ZFR: variants seen among roughly 807,000 people sequenced by gnomAD.
ZFR encodes zinc finger RNA binding protein.
Under a neutral mutation model 130.7 loss-of-function variants are expected in ZFR, and 19 were observed. The ratio of observed to expected loss-of-function variants is 0.15; its 90% CI spans 0.10 to 0.21. ZFR has a LOEUF of 0.21. ZFR is among the 10% of genes least tolerant of loss of function. The probability of loss-of-function intolerance (pLI) is 1.00; values close to 1 mark genes in which losing one functional copy is unlikely to be tolerated. For synonymous variants in ZFR, 466 were observed against 456.9 expected (o/e 1.02, Z -0.25); for missense variants, 872 against 1,321.5 (o/e 0.66, Z 5.27).
At chr5:32,415,511 T>TGC (rs1336806329) in intron 4 of ZFR, among the ~76,000 whole-genome samples, 17 of 93,554 alleles carry the variant, frequency 1.8e-4, no homozygotes, top group African/African-American at 3.1e-4. Context: ...TGTGTGTGTG[T>TGC]GTGTGCGCGC....
intron 2 of ZFR, among the ~76,000 whole-genome samples, chr5:32,431,162 A>G (rs547525168): frequency 1.3e-5 from 2 of 152,368 alleles, no homozygotes; most frequent in Admixed American, 6.5e-5. Context: ...AATAAAAATG[A>G]TCTCAGAATG....
chr5:32,359,882 G>A (rs367784356), intron 19 of ZFR, among the ~76,000 whole-genome samples: 7 of 151,890 alleles, frequency 4.6e-5, no homozygotes, highest in South Asian at 2.1e-4. Flanking sequence ...CTCAGGAGGC[G>A]GAGGTGAGCT....
chr5:32,424,829 G>A (rs1037367033), intron 2 of ZFR, among the ~76,000 whole-genome samples: 5 of 152,112 alleles, frequency 3.3e-5, no homozygotes, highest in African/African-American at 1.2e-4. Flanking sequence ...ATCTAAATTA[G>A]AGAAGATAAA....
chr5:32,423,966 G>C (rs1754011796), intron 2 of ZFR, among the ~76,000 whole-genome samples: 1 of 152,188 alleles, frequency 6.6e-6, no homozygotes, highest in African/African-American at 2.4e-5. Flanking sequence ...ACCACTCAAG[G>C]ATGGAAGGAG....
At chr5:32,439,987 T>TA (rs879370365) in intron 2 of ZFR, among the ~76,000 whole-genome samples, 6 of 151,832 alleles carry the variant, frequency 4.0e-5, no homozygotes, top group Non-Finnish European at 7.4e-5. Flanking sequence ...ATGAAGAAGT[T>TA]AAAAAAAATG....
intron 17 of ZFR, among the ~76,000 whole-genome samples, chr5:32,372,265 T>C (rs151252416): frequency 1.8e-4 from 27 of 152,292 alleles, no homozygotes; most frequent in East Asian, 1.4e-3. Context: ...GTGTGGAACA[T>C]AGCATGAAAA....
intron 9 of ZFR, among the ~76,000 whole-genome samples, chr5:32,398,234 T>C (rs1291870274): frequency 6.6e-6 from 1 of 152,218 alleles, no homozygotes; most frequent in East Asian, 1.9e-4. Context: ...AATTTTCTAA[T>C]AGTTACTGAA....
chr5:32,398,138 G>A (rs1159857159), intron 9 of ZFR, among the ~76,000 whole-genome samples: 1 of 152,110 alleles, frequency 6.6e-6, no homozygotes, highest in African/African-American at 2.4e-5. Context: ...TTACAGGCGT[G>A]AGCCACCATG....
chr5:32,403,355 T>C lies in ZFR; in HGVS notation c.1267A>G (p.Thr423Ala). 1 of 1,614,196 alleles carries C rather than the reference T, an allele frequency of 6.2e-7. No individual in the cohort carries two copies. The highest frequency in any genetic ancestry group is 8.5e-7 in the Non-Finnish European group (1 of 1,180,020). The change falls in exon 8 of 20, where the codon ACA (threonine) becomes GCA (alanine). Residue 423 changes from threonine to alanine, a missense_variant. Physicochemically the swap from Thr to Ala is moderately conservative, Grantham distance 58 (BLOSUM62 0). This residue lies in a region of ZFR where 143 missense variants were observed against 137.9 expected (regional missense o/e 1.04). Transcript: ENST00000265069. ...HTKLGKPIPSTEPNVVSQATS... is the reference protein window; with the variant it reads ...HTKLGKPIPSAEPNVVSQATS... ...GCTTGGCTAACAACATTTGGTTCTG[T>C]TGATGGAATGGGTTTACCAAGTTTT...
Position 32,414,836 on chromosome 5 carries a change from C to T in ZFR, c.784+133G>A. The stretch of plus-strand genomic sequence containing the variant: ...ATTTACAGAACAGTCACATTATGTA[C>T]CTATATTTATGTCTATCAATTAATT... On this transcript the variant is annotated intron_variant, in intron 5 of 19. Transcript: ENST00000265069. The T allele has an allele frequency of 7.9e-6, 6 of 764,302 alleles. No homozygotes were observed. In the South Asian group the frequency reaches 1.1e-4, roughly 14 times the overall value. The allele number at this position is 764,302 out of a possible 1,614,324, so 47.3% of individuals were successfully genotyped here.
At chr5:32,409,769 G>A (rs1753658585) in intron 5 of ZFR, among the ~76,000 whole-genome samples, 1 of 152,172 alleles carries the variant, frequency 6.6e-6, no homozygotes, top group Non-Finnish European at 1.5e-5. Context: ...TACAGAGAGT[G>A]ACTATATTAT....
At chr5:32,376,204 G>T (rs1257921261) in intron 17 of ZFR, among the ~76,000 whole-genome samples, 1 of 152,004 alleles carries the variant, frequency 6.6e-6, no homozygotes, top group Non-Finnish European at 1.5e-5. Context: ...AACATTACAG[G>T]TCTCTATACT....
At chr5:32,421,841 A>T (rs1561914687) in intron 2 of ZFR, among the ~76,000 whole-genome samples, 1 of 152,214 alleles carries the variant, frequency 6.6e-6, no homozygotes, top group Non-Finnish European at 1.5e-5. Context: ...ATATGACAGG[A>T]AAAGTTTACA....
intron 2 of ZFR, among the ~76,000 whole-genome samples, chr5:32,434,147 GAAT>G (rs1210115835): frequency 6.6e-6 from 1 of 152,224 alleles, no homozygotes; most frequent in Non-Finnish European, 1.5e-5. Flanking sequence ...TCTCCTCACA[GAAT>G]ATTATAAAAC....
intron 8 of ZFR, among the ~76,000 whole-genome samples, chr5:32,402,078 AG>A (rs1753460785): frequency 6.6e-6 from 1 of 152,246 alleles, no homozygotes; most frequent in African/African-American, 2.4e-5. Flanking sequence ...TGTCCAACTC[AG>A]GTGGGGGTTT....
chr5:32,391,500 C>T (rs1201449788), intron 11 of ZFR, among the ~76,000 whole-genome samples: 5 of 150,480 alleles, frequency 3.3e-5, no homozygotes, highest in Non-Finnish European at 7.4e-5. Flanking sequence ...CTCTGCTTTA[C>T]TGACCAACAT....
intron 8 of ZFR, among the ~76,000 whole-genome samples, chr5:32,402,199 C>T (rs1355090928): frequency 6.6e-6 from 1 of 152,114 alleles, no homozygotes; most frequent in Non-Finnish European, 1.5e-5. Context: ...ATCTTAGTAA[C>T]ACTACCATTT....
At chr5:32,421,063 AAT>A (rs779907214) in intron 2 of ZFR, among the ~76,000 whole-genome samples, 1 of 152,214 alleles carries the variant, frequency 6.6e-6, no homozygotes, top group Non-Finnish European at 1.5e-5. Context: ...TTCTTACAGG[AAT>A]ATGTTTATTT....
At chr5:32,416,372 TGGGA>T (rs1397361473) in intron 4 of ZFR, among the ~76,000 whole-genome samples, 1 of 152,058 alleles carries the variant, frequency 6.6e-6, no homozygotes, top group East Asian at 1.9e-4. Context: ...CCCAGCACTT[TGGGA>T]GGCCGAAGCG....
Sources: gnomAD v4.1 joint callset for allele counts (sites outside exome capture counted in the v4.1 genomes callset) on GRCh38, gnomAD v4.1.1 for gene constraint, gnomAD v4.1.1 regional missense constraint, MANE v1.5 for transcripts, NCBI Gene and HGNC (gene_info 2026-07-23, HGNC 2026-07-21) for gene names.